Variants in CCDC138 observed in about 807,000 individuals in gnomAD.
The protein encoded by CCDC138 is coiled-coil domain-containing protein 138.
Under a neutral mutation model 82.3 loss-of-function variants are expected in CCDC138, and 66 were observed. The ratio of observed to expected loss-of-function variants is 0.80; its 90% CI spans 0.66 to 0.98. The LOEUF (loss-of-function observed/expected upper bound fraction) is 0.98. Among genes scored for constraint, CCDC138 ranks in the 50% least tolerant of loss-of-function variants. The probability of loss-of-function intolerance (pLI) is 0.00; values close to 1 mark genes in which losing one functional copy is unlikely to be tolerated. For missense variants in CCDC138, 816 were observed against 758.9 expected (o/e 1.08, Z -0.88); for synonymous variants, 297 against 265.4 (o/e 1.12, Z -1.16).
At chr2:108,883,045 C>T (rs1696335340) in intron 2 of CCDC138, 1 of 152,164 alleles carries the variant, frequency 6.6e-6, no homozygotes, top group African/African-American at 2.4e-5. Context: ...ACACTGAATT[C>T]AGCAGTGTTC....
At chr2:108,838,715 C>T (rs1688979888) in intron 10 of CCDC138, among the ~76,000 whole-genome samples, 1 of 152,082 alleles carries the variant, frequency 6.6e-6, no homozygotes, top group Non-Finnish European at 1.5e-5. Flanking sequence ...ACTCCAGTTT[C>T]TGAAATCCAG....
chr2:108,816,939 C>T (rs1684903209), intron 10 of CCDC138, among the ~76,000 whole-genome samples: 1 of 152,194 alleles, frequency 6.6e-6, no homozygotes, highest in Non-Finnish European at 1.5e-5. Flanking sequence ...TCAAGCATTC[C>T]TCCTGCCTTG....
At chr2:108,839,361 C>G (rs1477617420) in intron 11 of CCDC138, 60 bp downstream of exon 11, 1 of 1,351,364 alleles carries the variant, frequency 7.4e-7, no homozygotes, top group Non-Finnish European at 1.0e-6. Flanking sequence ...ACTTCTTGAT[C>G]TTGTTTCACA....
At chr2:108,844,936 C>T (rs1217178874) in intron 11 of CCDC138, among the ~76,000 whole-genome samples, 2 of 151,904 alleles carry the variant, frequency 1.3e-5, no homozygotes, top group Non-Finnish European at 2.9e-5. Flanking sequence ...TTAGTAGAGA[C>T]GGGGTTTCAC....
chr2:108,872,855 A>C (rs184373003), intron 13 of CCDC138, among the ~76,000 whole-genome samples: 125 of 152,338 alleles, frequency 8.2e-4, no homozygotes, highest in African/African-American at 3.0e-3. Flanking sequence ...CATAAACAAA[A>C]TAATTTATTT....
chr2:108,881,530 C>A (rs185821958), downstream of CCDC138, among the ~76,000 whole-genome samples: 1 of 152,164 alleles, frequency 6.6e-6, no homozygotes, highest in Non-Finnish European at 1.5e-5. Context: ...TTCACAACTT[C>A]GTAGTTTGGC....
chr2:108,862,001 T>G (rs1039419406), intron 13 of CCDC138, among the ~76,000 whole-genome samples: 1 of 152,086 alleles, frequency 6.6e-6, no homozygotes, highest in African/African-American at 2.4e-5. Context: ...TGTTTATATG[T>G]TTTTGAGAGT....
intron 11 of CCDC138, among the ~76,000 whole-genome samples, chr2:108,843,961 G>GCTCACTGCAGC (rs1302905145): frequency 6.8e-6 from 1 of 146,648 alleles, no homozygotes; most frequent in Non-Finnish European, 1.5e-5. Context: ...CACAATCACG[G>GCTCACTGCAGC]CTCACTGCAG....
At chr2:108,822,451 A>G (rs1685869831) in intron 10 of CCDC138, among the ~76,000 whole-genome samples, 5 of 152,202 alleles carry the variant, frequency 3.3e-5, no homozygotes, top group Admixed American at 2.6e-4. Context: ...AATTAACTCG[A>G]TCTGTCAGAC....
chr2:108,844,742 A>G (rs1056327100), intron 11 of CCDC138, among the ~76,000 whole-genome samples: 1 of 148,576 alleles, frequency 6.7e-6, no homozygotes, highest in Non-Finnish European at 1.5e-5. Context: ...GGCAAATACT[A>G]TCCACATTTT....
At chr2:108,829,716 A>G (rs542719348) in intron 10 of CCDC138, among the ~76,000 whole-genome samples, 6 of 152,352 alleles carry the variant, frequency 3.9e-5, no homozygotes, top group Admixed American at 2.6e-4. Context: ...ACCACACTAC[A>G]GCCTGGGAGA....
At chr2:108,848,370 A>G (rs1690852020) in intron 12 of CCDC138, among the ~76,000 whole-genome samples, 1 of 152,198 alleles carries the variant, frequency 6.6e-6, no homozygotes, top group Admixed American at 6.5e-5. Context: ...AAGTATGAAT[A>G]TTGGGAAGGA....
At chr2:108,791,537 C>T (rs764813909) in intron 3 of CCDC138, 138 bp from the exon 4 acceptor site, 3 of 991,570 alleles carry the variant, frequency 3.0e-6, no homozygotes, top group Non-Finnish European at 4.7e-6. Flanking sequence ...TTTCTTTTTA[C>T]ATGTTTACAT....
intron 6 of CCDC138, among the ~76,000 whole-genome samples, chr2:108,804,432 G>A (rs1447041719): frequency 6.6e-6 from 1 of 152,162 alleles, no homozygotes; most frequent in Non-Finnish European, 1.5e-5. Context: ...GCTGCTTTAT[G>A]AGGACAAGAA....
At chr2:108,816,417 C>G (rs1229065631) in intron 10 of CCDC138, among the ~76,000 whole-genome samples, 1 of 152,074 alleles carries the variant, frequency 6.6e-6, no homozygotes, top group Non-Finnish European at 1.5e-5. Context: ...CAGCACTGCA[C>G]TCCAGCCTGG....
chr2:108,812,816 G>A lies in CCDC138; in HGVS notation c.934-4G>A. Reference sequence around the variant, plus strand: ...CTTTAATTCACGCATATATACTGTTGCAGAGGAAGTACGAGTTTATGACAA... The same window carrying A: ...CTTTAATTCACGCATATATACTGTTACAGAGGAAGTACGAGTTTATGACAA... On this transcript the variant is annotated splice_polypyrimidine_tract_variant and splice_region_variant and intron_variant, in intron 8 of 14. Coordinates refer to ENST00000295124, the MANE Select transcript of CCDC138 (RefSeq NM_144978.3). The A allele has an allele frequency of 6.2e-7, 1 of 1,612,660 alleles. No individual in the cohort carries two copies. Among genetic ancestry groups the A allele is most frequent in the Admixed American group, 1.7e-5 (1 of 59,872 alleles).
chr2:108,865,735 CACGGT>C (rs1033763478), intron 13 of CCDC138, among the ~76,000 whole-genome samples: 6 of 152,150 alleles, frequency 3.9e-5, no homozygotes, highest in African/African-American at 1.4e-4. Context: ...TGGTTGGACA[CACGGT>C]ACTCCCCTAT....
At chr2:108,863,030 A>G (rs1050433755) in intron 13 of CCDC138, among the ~76,000 whole-genome samples, 6 of 152,190 alleles carry the variant, frequency 3.9e-5, no homozygotes, top group Non-Finnish European at 8.8e-5. Context: ...CACATCTAGA[A>G]CTTACTTCTG....
At position 108,794,665 on chromosome 2, in the gene CCDC138, C is replaced by G; in HGVS notation, c.520C>G (p.Pro174Ala). 2 of 1,614,034 alleles carry G rather than the reference C, an allele frequency of 1.2e-6. No homozygotes were observed. Among genetic ancestry groups the G allele is most frequent in the Non-Finnish European group, 8.5e-7 (1 of 1,179,998 alleles). ...SKASDKRSLL[P>A]HQISQIYDEL... Reference sequence around the variant, plus strand: ...AGCATCAGACAAGCGGAGTTTACTTCCACATCAGATCAGTCAGATATATGA... The same window carrying G: ...AGCATCAGACAAGCGGAGTTTACTTGCACATCAGATCAGTCAGATATATGA... Residue 174 changes from proline to alanine, a missense_variant, in exon 5 of 15, where the codon CCA (proline) becomes GCA (alanine). Pro to Ala is a conservative substitution (Grantham distance 27, BLOSUM62 -1). Coordinates refer to ENST00000295124, the MANE Select transcript of CCDC138 (RefSeq NM_144978.3).
Sources: gnomAD v4.1 joint callset for allele counts (sites outside exome capture counted in the v4.1 genomes callset) on GRCh38, gnomAD v4.1.1 for gene constraint, MANE v1.5 for transcripts, NCBI Gene and HGNC (gene_info 2026-07-23, HGNC 2026-07-21) for gene names.